Variants in GALNT17 observed in about 807,000 individuals in gnomAD.
GALNT17 encodes polypeptide N-acetylgalactosaminyltransferase 17.
Under a neutral mutation model 63.7 loss-of-function variants are expected in GALNT17, and 29 were observed. That is an observed-to-expected ratio of 0.46 (90% CI 0.34 to 0.62). GALNT17 has a LOEUF of 0.62. Among genes scored for constraint, GALNT17 ranks in the 20% least tolerant of loss-of-function variants. GALNT17 has a pLI of 0.01. For missense variants in GALNT17, 603 were observed against 799.6 expected (o/e 0.75, Z 2.97); for synonymous variants, 305 against 318.3 (o/e 0.96, Z 0.45).
rs1006705862 is a variant in GALNT17, at chr7:71,203,173, AT to A, written c.238+70135del. On this transcript the variant is annotated intron_variant, in intron 1 of 10. Coordinates refer to ENST00000333538, the MANE Select transcript of GALNT17 (RefSeq NM_022479.3). ...CAATGGATATGTACCCAGACGTGGG[AT>A]TGCTGGATCATATGGTGGTTCCATT... Among the ~76,000 whole-genome samples the A allele has an allele frequency of 6.6e-5, 10 of 152,306 alleles. No homozygotes were observed. In the East Asian group the frequency reaches 1.4e-3, roughly 21 times the overall value.
intron 2 of GALNT17, among the ~76,000 whole-genome samples, chr7:71,341,046 A>G (rs946039083): frequency 6.6e-6 from 1 of 152,198 alleles, no homozygotes; most frequent in Non-Finnish European, 1.5e-5. Context: ...GCACAAAAAT[A>G]AATCATAGAA....
intron 6 of GALNT17, among the ~76,000 whole-genome samples, chr7:71,647,716 C>T (rs959980566): frequency 1.3e-5 from 2 of 152,222 alleles, no homozygotes; most frequent in African/African-American, 4.8e-5. Flanking sequence ...CTGAGCAGTG[C>T]CCAGTAATCA....
At chr7:71,338,358 A>T (rs1023306247) in intron 2 of GALNT17, among the ~76,000 whole-genome samples, 2 of 147,986 alleles carry the variant, frequency 1.4e-5, no homozygotes, top group African/African-American at 4.9e-5. Flanking sequence ...AAAATAAATA[A>T]ATATATATAT....
At chr7:71,365,531 C>T (rs149279074) in intron 2 of GALNT17, among the ~76,000 whole-genome samples, 174 of 152,326 alleles carry the variant, frequency 1.1e-3, no homozygotes, top group African/African-American at 4.1e-3. Flanking sequence ...TGAGCCACAG[C>T]GCCCACCCAG....
At chr7:71,287,295 T>G (rs987311196) in intron 1 of GALNT17, among the ~76,000 whole-genome samples, 2 of 151,778 alleles carry the variant, frequency 1.3e-5, no homozygotes, top group African/African-American at 4.8e-5. Flanking sequence ...TTGCCCTGTT[T>G]TCTGGGCTTG....
intron 1 of GALNT17, among the ~76,000 whole-genome samples, chr7:71,307,459 G>A (rs558930394): frequency 6.6e-6 from 1 of 152,040 alleles, no homozygotes; most frequent in South Asian, 2.1e-4. Context: ...TCTGCCATGA[G>A]AGAGGAAACT....
At chr7:71,261,738 G>T (rs1305244277) in intron 1 of GALNT17, among the ~76,000 whole-genome samples, 2 of 152,208 alleles carry the variant, frequency 1.3e-5, no homozygotes, top group Admixed American at 1.3e-4. Context: ...AGGAACACTG[G>T]CTGGGCATTC....
intron 3 of GALNT17, among the ~76,000 whole-genome samples, chr7:71,391,086 G>A (rs1793041230): frequency 6.6e-6 from 1 of 152,224 alleles, no homozygotes; most frequent in African/African-American, 2.4e-5. Flanking sequence ...ATGTTTCCCA[G>A]GGCCTGGCTG....
intron 1 of GALNT17, among the ~76,000 whole-genome samples, chr7:71,328,857 A>G (rs1318222909): frequency 6.6e-6 from 1 of 152,074 alleles, no homozygotes; most frequent in Non-Finnish European, 1.5e-5. Flanking sequence ...TGGGACCATC[A>G]TTCCCTGTGT....
At chr7:71,209,006 T>C (rs932255342) in intron 1 of GALNT17, among the ~76,000 whole-genome samples, 36 of 152,212 alleles carry the variant, frequency 2.4e-4, no homozygotes, top group African/African-American at 8.7e-4. Context: ...GTGGGCCATA[T>C]GGTCTCTGTC....
At chr7:71,474,871 A>T (rs1787697672) in intron 5 of GALNT17, among the ~76,000 whole-genome samples, 1 of 152,126 alleles carries the variant, frequency 6.6e-6, no homozygotes, top group Admixed American at 6.5e-5. Context: ...ATTATACTGG[A>T]TTTTCCAGGT....
At chr7:71,217,707 C>T (rs1334987800) in intron 1 of GALNT17, among the ~76,000 whole-genome samples, 2 of 152,026 alleles carry the variant, frequency 1.3e-5, no homozygotes, top group African/African-American at 2.4e-5. Flanking sequence ...GGGCCGATCA[C>T]AAGGTCAGGA....
chr7:71,566,337 T>G (rs1480685980), intron 5 of GALNT17, among the ~76,000 whole-genome samples: 2 of 152,160 alleles, frequency 1.3e-5, no homozygotes, highest in African/African-American at 4.8e-5. Flanking sequence ...AACTACCCTG[T>G]TTGCCTCTGA....
chr7:71,159,750 T>C (rs1040019691), intron 1 of GALNT17, among the ~76,000 whole-genome samples: 1 of 150,152 alleles, frequency 6.7e-6, no homozygotes, highest in Non-Finnish European at 1.5e-5. Context: ...TGTCAGTCGC[T>C]GGTGTCAGTT....
At chr7:71,321,553 C>A (rs1425419372) in intron 1 of GALNT17, among the ~76,000 whole-genome samples, 1 of 152,212 alleles carries the variant, frequency 6.6e-6, no homozygotes, top group Non-Finnish European at 1.5e-5. Flanking sequence ...TGTTCTAGAT[C>A]TAACACTTCA....
chr7:71,483,785 A>G (rs1436154038), intron 5 of GALNT17, among the ~76,000 whole-genome samples: 1 of 152,196 alleles, frequency 6.6e-6, no homozygotes, highest in Admixed American at 6.5e-5. Context: ...TCTGACAATA[A>G]TCACTTAGCT....
intron 9 of GALNT17, among the ~76,000 whole-genome samples, chr7:71,679,182 G>A (rs1038894987): frequency 6.6e-6 from 1 of 151,930 alleles, no homozygotes; most frequent in Non-Finnish European, 1.5e-5. Flanking sequence ...TGGCTGAGGC[G>A]GGAGGATTGC....
intron 5 of GALNT17, among the ~76,000 whole-genome samples, chr7:71,522,943 T>C (rs1027706290): frequency 2.0e-5 from 3 of 152,154 alleles, no homozygotes; most frequent in Non-Finnish European, 2.9e-5. Context: ...CAGGAGCTCA[T>C]GGCTGCCATC....
Position 71,143,659 on chromosome 7 carries a change from A to C in GALNT17, c.238+10619A>C, listed in dbSNP as rs115430127. Among the ~76,000 whole-genome samples, 885 of 152,106 alleles carry C rather than the reference A, an allele frequency of 5.8e-3. 7 individuals are homozygous for C. Among genetic ancestry groups the C allele is most frequent in the African/African-American group, 0.02 (835 of 41,540 alleles). ...CTTAATTGCATAGGCTTGGGGAGCC[A>C]TTATGTGACCAGGTCACTATGTTGA... On this transcript the variant is annotated intron_variant, in intron 1 of 10. Coordinates refer to ENST00000333538, the MANE Select transcript of GALNT17 (RefSeq NM_022479.3).
Sources: allele counts gnomAD v4.1 joint callset (sites outside exome capture counted in the v4.1 genomes callset), GRCh38; gene constraint gnomAD v4.1.1; transcripts MANE v1.5; gene names NCBI Gene and HGNC (gene_info 2026-07-23, HGNC 2026-07-21).